The following TTLL11 variants were observed in gnomAD, a reference collection of about 807,000 sequenced individuals.
TTLL11 encodes the protein tubulin polyglutamylase TTLL11.
A neutral mutation model predicts 51.7 loss-of-function variants in TTLL11; 42 were observed. The observed-to-expected ratio is 0.81, with a 90% CI of 0.64 to 1.05. The LOEUF (loss-of-function observed/expected upper bound fraction) is 1.05. Ranked by LOEUF, TTLL11 falls within the 50% of genes least tolerant of loss-of-function variation. The pLI is 0.00. For synonymous variants in TTLL11, 381 were observed against 383.5 expected (o/e 0.99, Z 0.08); for missense variants, 799 against 940.4 (o/e 0.85, Z 1.97).
chr9:121,870,651 G>A lies in TTLL11; in HGVS notation c.1579C>T (p.Leu527=), dbSNP rs1433387542. The A allele has an allele frequency of 1.3e-6, 2 of 1,551,676 alleles. No homozygotes were observed. The highest frequency in any genetic ancestry group is 2.4e-5 in the South Asian group (2 of 84,062). ...ACCTGCTTGAGGCAAATGGAAGGCA[G>A]GTGGGCTTCGGGGTTGGCGTTGCAG... ...PDCNANPEAH[L]PSICLKQVFP... is the part of the protein sequence containing the mutation. The change falls in exon 7 of 9, where the codon CTG becomes TTG. Residue 527 remains leucine (L), a synonymous_variant. Transcript: ENST00000321582.
intron 6 of TTLL11, among the ~76,000 whole-genome samples, chr9:121,895,770 T>G (rs1005763097): frequency 0.011 from 1 of 92 alleles, no homozygotes; most frequent in African/African-American, 0.056. Context: ...TGTTTTGTGT[T>G]AGTGTGTGGG....
chr9:121,833,348 C>T (rs1837083111), intron 8 of TTLL11, among the ~76,000 whole-genome samples: 1 of 152,162 alleles, frequency 6.6e-6, no homozygotes, highest in Non-Finnish European at 1.5e-5. Context: ...GATGGCCCAC[C>T]AGCTCCTTCT....
At chr9:121,938,152 G>A (rs955182591) in intron 6 of TTLL11, among the ~76,000 whole-genome samples, 1 of 152,042 alleles carries the variant, frequency 6.6e-6, no homozygotes, top group African/African-American at 2.4e-5. Context: ...AGCCGGGCAT[G>A]GTGGTGGGCA....
chr9:121,966,357 C>G (rs990041320), intron 6 of TTLL11, among the ~76,000 whole-genome samples: 1 of 152,166 alleles, frequency 6.6e-6, no homozygotes, highest in African/African-American at 2.4e-5. Flanking sequence ...CCAAGCCTGT[C>G]TCTGTCTTCA....
chr9:122,072,675 C>T (rs1845758709), intron 1 of TTLL11, among the ~76,000 whole-genome samples: 2 of 152,146 alleles, frequency 1.3e-5, no homozygotes, highest in South Asian at 2.1e-4. Flanking sequence ...CTCCTAAACA[C>T]CCAGTGTTCT....
rs1230127363 is a variant in TTLL11 at position 121,821,484 on chromosome 9, GGA to G, written c.*1101_*1102del. Among the ~76,000 whole-genome samples the G allele has an allele frequency of 2.0e-5, 3 of 152,148 alleles. No homozygotes were observed. Among genetic ancestry groups the G allele is most frequent in the Non-Finnish European group, 4.4e-5 (3 of 68,012 alleles). On this transcript the variant is annotated 3_prime_UTR_variant, in exon 9 of 9. Transcript: ENST00000321582. The surrounding 1 kb of genome is among the most constrained non-coding windows in gnomAD (Gnocchi z 5.0). The stretch of plus-strand genomic sequence containing the variant: ...TTAACCCCAAATCCAACCACACTCT[GGA>G]GAGCTTGGCTTTGCCAGGTCCTGCC...
At chr9:122,080,996 A>G (rs749276127) in intron 1 of TTLL11, among the ~76,000 whole-genome samples, 30 of 152,380 alleles carry the variant, frequency 2.0e-4, no homozygotes, top group Middle Eastern at 6.8e-3. Context: ...AAATGCTTCA[A>G]CGTGAAAGCA....
intron 1 of TTLL11, among the ~76,000 whole-genome samples, chr9:122,057,124 G>A (rs568386556): frequency 9.9e-5 from 15 of 152,244 alleles, no homozygotes; most frequent in Admixed American, 3.3e-4. Context: ...AACAAATATT[G>A]CATTAAACCC....
intron 8 of TTLL11, among the ~76,000 whole-genome samples, chr9:121,835,321 C>A (rs1837153816): frequency 6.6e-6 from 1 of 152,120 alleles, no homozygotes; most frequent in Non-Finnish European, 1.5e-5. Flanking sequence ...CAGGGAGACC[C>A]AAGCACCTGC....
chr9:121,862,174 G>A (rs1039890501), intron 7 of TTLL11, among the ~76,000 whole-genome samples: 1 of 151,062 alleles, frequency 6.6e-6, no homozygotes, highest in East Asian at 1.9e-4. Context: ...CCCCTCCCCA[G>A]CTTTTTTTTT....
intron 3 of TTLL11, among the ~76,000 whole-genome samples, chr9:122,015,629 G>A (rs1588207132): frequency 6.6e-6 from 1 of 151,990 alleles, no homozygotes; most frequent in African/African-American, 2.4e-5. Flanking sequence ...CTGAAGGTTG[G>A]GTCATCACCA....
chr9:121,942,918 C>T (rs1177932943), intron 6 of TTLL11, among the ~76,000 whole-genome samples: 1 of 152,138 alleles, frequency 6.6e-6, no homozygotes, highest in African/African-American at 2.4e-5. Context: ...CCAAGTGCCC[C>T]CAAGCAAGGG....
chr9:122,039,903 CAT>C (rs1030981210), intron 1 of TTLL11, among the ~76,000 whole-genome samples: 14 of 152,074 alleles, frequency 9.2e-5, no homozygotes, highest in African/African-American at 2.7e-4. Flanking sequence ...CACACACACA[CAT>C]ACACACACAC....
intron 3 of TTLL11, among the ~76,000 whole-genome samples, chr9:121,996,356 T>C (rs563898985): frequency 1.3e-5 from 2 of 152,282 alleles, no homozygotes; most frequent in African/African-American, 4.8e-5. Flanking sequence ...CAACCCTCTA[T>C]ACAGACATCT....
intron 6 of TTLL11, among the ~76,000 whole-genome samples, chr9:121,911,095 C>T (rs1840097004): frequency 6.6e-6 from 1 of 152,064 alleles, no homozygotes; most frequent in African/African-American, 2.4e-5. Context: ...CTGTTATGCC[C>T]CCTGGTTCTC....
intron 1 of TTLL11, among the ~76,000 whole-genome samples, chr9:122,061,985 T>C (rs1308665020): frequency 3.3e-5 from 5 of 152,202 alleles, no homozygotes; most frequent in African/African-American, 1.2e-4. Flanking sequence ...CCTCTTTGAA[T>C]TTCTTTTGAA....
chr9:121,918,007 C>T (rs1187404078), intron 6 of TTLL11, among the ~76,000 whole-genome samples: 1 of 151,510 alleles, frequency 6.6e-6, no homozygotes, highest in African/African-American at 2.4e-5. Context: ...AAGCACTGGA[C>T]AACTGGCAGT....
At chr9:121,854,601 C>T (rs1249894745) in intron 8 of TTLL11, among the ~76,000 whole-genome samples, 2 of 152,154 alleles carry the variant, frequency 1.3e-5, no homozygotes, top group Admixed American at 6.5e-5. Flanking sequence ...GTTACCTTTG[C>T]GAGTAAAATG....
At chr9:121,855,155 T>C (rs1214618995) in intron 8 of TTLL11, among the ~76,000 whole-genome samples, 1 of 152,180 alleles carries the variant, frequency 6.6e-6, no homozygotes, top group African/African-American at 2.4e-5. Flanking sequence ...GTGGTGAGTT[T>C]GCGGATGCTT....
Sources: gnomAD v4.1 joint callset for allele counts (sites outside exome capture counted in the v4.1 genomes callset) on GRCh38, gnomAD v4.1.1 for gene constraint, Gnocchi (gnomAD v3.1) non-coding constraint, MANE v1.5 for transcripts, NCBI Gene and HGNC (gene_info 2026-07-23, HGNC 2026-07-21) for gene names.